DMBX1: variants seen among roughly 807,000 people sequenced by gnomAD.
DMBX1 encodes the protein diencephalon/mesencephalon homeobox 1, also known as diencephalon/mesencephalon homeobox protein 1.
Under a neutral mutation model 30.4 loss-of-function variants are expected in DMBX1, and 7 were observed. That is an observed-to-expected ratio of 0.23 (90% CI 0.13 to 0.43). The LOEUF is 0.43. Among genes scored for constraint, DMBX1 ranks in the 20% least tolerant of loss-of-function variants. The probability of loss-of-function intolerance (pLI) is 1.00; values close to 1 mark genes in which losing one functional copy is unlikely to be tolerated. For missense variants in DMBX1, 460 were observed against 508.5 expected (o/e 0.90, Z 0.92); for synonymous variants, 222 against 214.2 (o/e 1.04, Z -0.32).
At chr1:46,502,881 G>GAAAT (rs1243062971) in intron 2 of DMBX1, among the ~76,000 whole-genome samples, 4 of 151,910 alleles carry the variant, frequency 2.6e-5, no homozygotes, top group African/African-American at 9.7e-5. Flanking sequence ...CCCTGTCTCA[G>GAAAT]AAATAAAAAA....
intron 2 of DMBX1, among the ~76,000 whole-genome samples, chr1:46,499,547 C>T (rs1303963535): frequency 2.0e-5 from 3 of 152,224 alleles, no homozygotes; most frequent in Non-Finnish European, 4.4e-5. Flanking sequence ...CCTTCCATTT[C>T]TGAATCTGTA....
In DMBX1 at chr1:46,510,555, C is replaced by T. The variant is rs138324077; in HGVS notation, c.234C>T (p.Leu78=). ...RSRTAFTAQQ[L]EALEKTFQKT... is the part of the protein sequence containing the mutation. ...GCACAGCGTTCACGGCTCAGCAGCT[C>T]GAGGCCCTGGAAAAGACCTTCCAGA... The change falls in exon 4 of 6, where the codon CTC becomes CTT. Residue 78 remains leucine, a synonymous_variant. Transcript: ENST00000360032. The surrounding 1 kb of genome is among the most constrained non-coding windows in gnomAD (Gnocchi z 4.1). The T allele has an allele frequency of 6.8e-5, 110 of 1,613,990 alleles. No individual in the cohort carries two copies. The highest frequency in any genetic ancestry group is 3.3e-4 in the Middle Eastern group (2 of 6,082).
chr1:46,498,604 G>A (rs931602110), intron 2 of DMBX1, among the ~76,000 whole-genome samples: 6 of 152,036 alleles, frequency 3.9e-5, no homozygotes, highest in East Asian at 1.9e-4. Context: ...ACTGTCCCCT[G>A]GTCGCACACT....
In DMBX1 at chr1:46,516,004, C is replaced by T. The variant is rs943736970; in HGVS notation, c.*3510C>T. On this transcript the variant is annotated 3_prime_UTR_variant, in exon 6 of 6. Coordinates refer to ENST00000360032, the MANE Select transcript of DMBX1 (RefSeq NM_172225.2). ...TGACCATTTGTGCTTAGAGGTCGTGCCAGCCCATGGCAAAGACACTGTGTA... is the reference window on the plus strand; with the variant it reads ...TGACCATTTGTGCTTAGAGGTCGTGTCAGCCCATGGCAAAGACACTGTGTA... Among the ~76,000 whole-genome samples, 3 of 152,192 alleles carry T rather than the reference C, an allele frequency of 2.0e-5. No individual in the cohort carries two copies. The highest frequency in any genetic ancestry group is 4.4e-5 in the Non-Finnish European group (3 of 68,042).
intron 1 of DMBX1, among the ~76,000 whole-genome samples, 28 bp from the exon 2 acceptor site, chr1:46,490,616 G>A (rs1399439430): frequency 1.3e-5 from 2 of 152,230 alleles, no homozygotes; most frequent in Non-Finnish European, 2.9e-5. Context: ...GGCATTGCCC[G>A]GGTCTGGCTT....
At chr1:46,498,689 C>T (rs371785204) in intron 2 of DMBX1, among the ~76,000 whole-genome samples, 5 of 152,258 alleles carry the variant, frequency 3.3e-5, no homozygotes, top group South Asian at 2.1e-4. Flanking sequence ...GCCAGATATA[C>T]GCATAAACAG....
intron 2 of DMBX1, among the ~76,000 whole-genome samples, chr1:46,497,236 A>T (rs1666041118): frequency 6.6e-6 from 1 of 152,196 alleles, no homozygotes; most frequent in Non-Finnish European, 1.5e-5. Context: ...CATCCATATA[A>T]TGGGGATAAT....
intron 3 of DMBX1, among the ~76,000 whole-genome samples, chr1:46,508,474 G>A (rs1402702623): frequency 6.6e-6 from 1 of 152,234 alleles, no homozygotes; most frequent in Non-Finnish European, 1.5e-5. Context: ...CCTCTGGGCA[G>A]AACTCAGTGG....
At chr1:46,497,368 G>C (rs1015822803) in intron 2 of DMBX1, among the ~76,000 whole-genome samples, 7 of 152,178 alleles carry the variant, frequency 4.6e-5, no homozygotes, top group Non-Finnish European at 8.8e-5. Flanking sequence ...TTGTTGATGA[G>C]ATGATGTGTC....
chr1:46,494,698 T>C (rs1209995480), intron 2 of DMBX1, among the ~76,000 whole-genome samples: 2 of 152,198 alleles, frequency 1.3e-5, no homozygotes, highest in Non-Finnish European at 2.9e-5. Context: ...GTGCCCGTTA[T>C]GAAGTCCAGC....
In DMBX1 at chr1:46,493,466, T is replaced by A. The variant is rs1028429399; in HGVS notation, c.-13+2683T>A. On this transcript the variant is annotated intron_variant, in intron 2 of 5. Transcript: ENST00000360032. This position sits in a 1 kb window ranked among gnomAD's most constrained non-coding sequence, Gnocchi z 4.1. ...AAGCTTATTTGACTCTGCCCCAGTGTTGCCTGATGGGTGGACATCCCAGAT... is the reference window on the plus strand; with the variant it reads ...AAGCTTATTTGACTCTGCCCCAGTGATGCCTGATGGGTGGACATCCCAGAT... Among the ~76,000 whole-genome samples the A allele has an allele frequency of 6.6e-6, 1 of 152,244 alleles. No individual in the cohort carries two copies. Among genetic ancestry groups the A allele is most frequent in the Non-Finnish European group, 1.5e-5 (1 of 68,046 alleles).
rs1194494771 is a variant in DMBX1 at position 46,512,486 on chromosome 1, C to T, written c.1126C>T (p.Pro376Ser). Residue 376 changes from proline to serine, a missense_variant, in exon 6 of 6, where the codon CCC (proline) becomes TCC (serine). By Grantham distance (74) the Pro-to-Ser change is moderately conservative (BLOSUM62 -1). This residue lies in a region of DMBX1 where 334 missense variants were observed against 345.1 expected (regional missense o/e 0.97). Coordinates refer to ENST00000360032, the MANE Select transcript of DMBX1 (RefSeq NM_172225.2). The surrounding 1 kb of genome is among the most constrained non-coding windows in gnomAD (Gnocchi z 4.8). ...HAASLGLDTL[P>S]N Reference sequence around the variant, plus strand: ...GGCCTCCCTGGGACTCGATACGCTGCCCAACTGACTGTCTGGCTTCCAACC... The same window carrying T: ...GGCCTCCCTGGGACTCGATACGCTGTCCAACTGACTGTCTGGCTTCCAACC... 1 of 1,606,836 alleles carries T rather than the reference C, an allele frequency of 6.2e-7. No individual in the cohort carries two copies. Among genetic ancestry groups the T allele is most frequent in the Non-Finnish European group, 8.5e-7 (1 of 1,175,064 alleles).
rs888383733 is a variant in DMBX1, at chr1:46,493,394, G to A, written c.-13+2611G>A. On this transcript the variant is annotated intron_variant, in intron 2 of 5. Coordinates refer to ENST00000360032, the MANE Select transcript of DMBX1 (RefSeq NM_172225.2). This position sits in a 1 kb window ranked among gnomAD's most constrained non-coding sequence, Gnocchi z 4.1. ...GGGCTCTCCAATGTCCAGCCCTCCC[G>A]CCGTTCAGTGGCCTCTCTTTCTATT... is the stretch of plus-strand genomic sequence containing the variant. Among the ~76,000 whole-genome samples, 6 of 152,168 alleles carry A rather than the reference G, an allele frequency of 3.9e-5. No homozygotes were observed. Among genetic ancestry groups the A allele is most frequent in the Admixed American group, 6.5e-5 (1 of 15,280 alleles).
intron 2 of DMBX1, among the ~76,000 whole-genome samples, chr1:46,502,753 A>G (rs1204220590): frequency 6.6e-6 from 1 of 152,062 alleles, no homozygotes; most frequent in East Asian, 1.9e-4. Flanking sequence ...TCCCAGCATG[A>G]TGGTAGTCCC....
At position 46,512,160 on chromosome 1, in the gene DMBX1, A is replaced by C. The variant is rs755954815; in HGVS notation, c.800A>C (p.Gln267Pro). 3 of 1,614,010 alleles carry C rather than the reference A, an allele frequency of 1.9e-6. No homozygotes were observed. The South Asian group carries it at 3.3e-5, about 18-fold the overall frequency. Residue 267 changes from glutamine (Q) to proline (P), a missense_variant, in exon 6 of 6, where the codon CAG (glutamine) becomes CCG (proline). Gln to Pro is a moderately conservative substitution (Grantham distance 76). This residue lies in a region of DMBX1 where 334 missense variants were observed against 345.1 expected (regional missense o/e 0.97). Transcript: ENST00000360032. This position sits in a 1 kb window ranked among gnomAD's most constrained non-coding sequence, Gnocchi z 4.8. ...TTCCGTCTGCAGGAGCAATTCCGCCAGCACATGGCGGCCACCAACAACCTG... is the reference window on the plus strand; with the variant it reads ...TTCCGTCTGCAGGAGCAATTCCGCCCGCACATGGCGGCCACCAACAACCTG... ...SLFRLQEQFR[Q>P]HMAATNNLVH...
At chr1:46,492,404 A>C (rs1000735939) in intron 2 of DMBX1, among the ~76,000 whole-genome samples, 24 of 152,222 alleles carry the variant, frequency 1.6e-4, no homozygotes, top group African/African-American at 5.1e-4. Flanking sequence ...TTGAGCAGGA[A>C]ATAAAGTTTC....
At chr1:46,507,825 C>G (rs535265313) in intron 3 of DMBX1, among the ~76,000 whole-genome samples, 1 of 152,262 alleles carries the variant, frequency 6.6e-6, no homozygotes, top group Admixed American at 6.5e-5. Flanking sequence ...TCAGTTTCTC[C>G]TTTTATAAAA....
Position 46,512,453 on chromosome 1 carries a change from C to G in DMBX1, c.1093C>G (p.Gln365Glu). 6.2e-7 allele frequency: 1 copy of G among 1,613,526 alleles called. No individual in the cohort carries two copies. The highest frequency in any genetic ancestry group is 8.5e-7 in the Non-Finnish European group (1 of 1,179,788). Residue 365 changes from glutamine (Q) to glutamate (E), a missense_variant, in exon 6 of 6, where the codon CAG (glutamine) becomes GAG (glutamate). Around this residue, in one of 3 missense-constraint regions of DMBX1, gnomAD observed 334 missense variants for 345.1 expected, o/e 0.97. Coordinates refer to ENST00000360032, the MANE Select transcript of DMBX1 (RefSeq NM_172225.2). The surrounding 1 kb of genome is among the most constrained non-coding windows in gnomAD (Gnocchi z 4.8). ...CGAGAACCTGCGGCTCCGGGCCAAG[C>G]AGCACGCGGCCTCCCTGGGACTCGA... The part of the protein sequence containing the change: ...SIENLRLRAK[Q>E]HAASLGLDTL...
rs1007207003 is a variant in DMBX1 at position 46,507,285 on chromosome 1, C to T, written c.154+121C>T. On this transcript the variant is annotated intron_variant, in intron 3 of 5. Transcript: ENST00000360032. ...TTGTTCTAGGGGGCTCAAAAAGACT[C>T]AGGTCACTTAGCAACACAGAGAGAT... The T allele has an allele frequency of 1.1e-5, 14 of 1,298,588 alleles. No homozygotes were observed. In the African/African-American group the frequency reaches 1.5e-4, roughly 14 times the overall value. The allele number at this position is 1,298,588 out of a possible 1,614,324, so 80.4% of individuals were successfully genotyped here. A position where few individuals can be genotyped will look rare whatever the true frequency, so the allele number is the denominator to read the frequency against.
Sources: gnomAD v4.1 joint callset for allele counts (sites outside exome capture counted in the v4.1 genomes callset) on GRCh38, gnomAD v4.1.1 for gene constraint, gnomAD v4.1.1 regional missense constraint, Gnocchi (gnomAD v3.1) non-coding constraint, MANE v1.5 for transcripts, NCBI Gene and HGNC (gene_info 2026-07-23, HGNC 2026-07-21) for gene names.